RPS6KC1: variants seen among roughly 807,000 people sequenced by gnomAD.
RPS6KC1 encodes the protein ribosomal protein S6 kinase C1.
Under a neutral mutation model 103.8 loss-of-function variants are expected in RPS6KC1, and 54 were observed. The ratio of observed to expected loss-of-function variants is 0.52; its 90% CI spans 0.42 to 0.65. The LOEUF (loss-of-function observed/expected upper bound fraction) is 0.65. Among genes scored for constraint, RPS6KC1 ranks in the 30% least tolerant of loss-of-function variants. The probability of loss-of-function intolerance (pLI) is 0.00; values close to 1 mark genes in which losing one functional copy is unlikely to be tolerated. For synonymous variants in RPS6KC1, 439 were observed against 438.7 expected (o/e 1.00, Z -0.01); for missense variants, 1,151 against 1,253.8 (o/e 0.92, Z 1.24).
At chr1:213,512,404 G>T in the RPS6KC1 span, among the ~76,000 whole-genome samples, 60 of 152,238 alleles carry the variant, frequency 3.9e-4, no homozygotes, top group African/African-American at 1.4e-3. Context: ...CCCCAATTTG[G>T]GGTCTTTTAT....
At chr1:213,395,948 G>C in the RPS6KC1 span, among the ~76,000 whole-genome samples, 1 of 152,238 alleles carries the variant, frequency 6.6e-6, no homozygotes, top group Non-Finnish European at 1.5e-5. Flanking sequence ...TCCGAACGGA[G>C]TCTGGGCTGG....
chr1:213,100,417 T>C (rs1380822441), intron 3 of RPS6KC1, among the ~76,000 whole-genome samples: 3 of 152,314 alleles, frequency 2.0e-5, no homozygotes, highest in Admixed American at 6.5e-5. Context: ...ATTTTATTAT[T>C]ATCAGGAAAT....
intron 4 of RPS6KC1, among the ~76,000 whole-genome samples, chr1:213,114,027 T>C (rs1322225755): frequency 6.6e-6 from 1 of 152,080 alleles, no homozygotes. Context: ...GGCTTAGGAT[T>C]GACTTGGCGA....
the RPS6KC1 span, among the ~76,000 whole-genome samples, chr1:213,772,597 C>A: frequency 6.7e-6 from 1 of 149,992 alleles, no homozygotes; most frequent in African/African-American, 2.5e-5. Context: ...CCGCCCACCC[C>A]CCACCAGTGT....
At chr1:213,583,378 G>A in the RPS6KC1 span, among the ~76,000 whole-genome samples, 83 of 152,304 alleles carry the variant, frequency 5.4e-4, no homozygotes, top group East Asian at 0.014. Flanking sequence ...TGCAAACAGT[G>A]TAGGAGGGTT....
At chr1:213,370,327 A>T in the RPS6KC1 span, among the ~76,000 whole-genome samples, 1 of 150,886 alleles carries the variant, frequency 6.6e-6, no homozygotes, top group Admixed American at 6.6e-5. Flanking sequence ...ATACATCTTT[A>T]AGAACATGAT....
At chr1:213,072,953 C>A in intron 2 of RPS6KC1, 1 of 957,622 alleles carries the variant, frequency 1.0e-6, no homozygotes, top group Non-Finnish European at 1.2e-6. Context: ...TTTATAATAA[C>A]AACTGTTGGT....
At chr1:213,844,370 T>G in the RPS6KC1 span, among the ~76,000 whole-genome samples, 1 of 152,238 alleles carries the variant, frequency 6.6e-6, no homozygotes, top group Non-Finnish European at 1.5e-5. Context: ...TGATTCTTAC[T>G]GATTCAAGCC....
chr1:213,629,611 T>C, the RPS6KC1 span, among the ~76,000 whole-genome samples: 1 of 152,094 alleles, frequency 6.6e-6, no homozygotes. Flanking sequence ...TATGTGTGAA[T>C]TTGATCCTGT....
chr1:213,482,812 G>C, the RPS6KC1 span, among the ~76,000 whole-genome samples: 1 of 151,870 alleles, frequency 6.6e-6, no homozygotes, highest in African/African-American at 2.4e-5. Flanking sequence ...CTCCCAAAGT[G>C]ACCTTTGTTT....
At chr1:213,229,544 C>T (rs1052962027) in intron 8 of RPS6KC1, among the ~76,000 whole-genome samples, 1 of 152,090 alleles carries the variant, frequency 6.6e-6, no homozygotes, top group Non-Finnish European at 1.5e-5. Context: ...CATAGGCCTG[C>T]GGAGCCTAAA....
the RPS6KC1 span, among the ~76,000 whole-genome samples, chr1:213,752,181 G>A: frequency 6.6e-6 from 1 of 152,264 alleles, no homozygotes; most frequent in Admixed American, 6.5e-5. Flanking sequence ...CGATAGGTCA[G>A]AAGCAGGTTC....
At chr1:213,681,849 A>G in the RPS6KC1 span, among the ~76,000 whole-genome samples, 2 of 152,192 alleles carry the variant, frequency 1.3e-5, 1 homozygote, top group Non-Finnish European at 2.9e-5. Flanking sequence ...AGAGTTGAGC[A>G]TTAAGATTTA....
the RPS6KC1 span, among the ~76,000 whole-genome samples, chr1:213,611,617 G>A: frequency 6.6e-6 from 1 of 152,174 alleles, no homozygotes; most frequent in Non-Finnish European, 1.5e-5. Context: ...GTTAAACTTG[G>A]TACACACCAC....
chr1:213,756,863 G>GC, the RPS6KC1 span, among the ~76,000 whole-genome samples: 1 of 151,806 alleles, frequency 6.6e-6, no homozygotes, highest in African/African-American at 2.4e-5. Context: ...GCCTGCCTCG[G>GC]CCCCCCCAAA....
At chr1:213,712,812 C>G in the RPS6KC1 span, among the ~76,000 whole-genome samples, 3 of 152,154 alleles carry the variant, frequency 2.0e-5, no homozygotes, top group African/African-American at 7.2e-5. Context: ...AATACCCCAC[C>G]CTACTTTGGC....
chr1:213,716,220 A>G, the RPS6KC1 span, among the ~76,000 whole-genome samples: 121,408 of 152,122 alleles, frequency 0.8, 48,498 homozygotes, highest in Admixed American at 0.81. Flanking sequence ...AGGTGCCCAC[A>G]GGGAAGGCTT....
At chr1:213,709,757 T>C in the RPS6KC1 span, among the ~76,000 whole-genome samples, 1 of 152,246 alleles carries the variant, frequency 6.6e-6, no homozygotes, top group Non-Finnish European at 1.5e-5. Flanking sequence ...TATTTATTTC[T>C]GCCTCAAGTT....
chr1:213,418,060 C>T, the RPS6KC1 span, among the ~76,000 whole-genome samples: 3 of 152,156 alleles, frequency 2.0e-5, no homozygotes, highest in African/African-American at 7.2e-5. Flanking sequence ...GGAGCAAACC[C>T]CCAGCTCCCG....
Sources: gnomAD v4.1 joint callset for allele counts (sites outside exome capture counted in the v4.1 genomes callset) on GRCh38, gnomAD v4.1.1 for gene constraint, MANE v1.5 for transcripts, NCBI Gene and HGNC (gene_info 2026-07-23, HGNC 2026-07-21) for gene names.